ARHGAP26: variants seen among roughly 807,000 people sequenced by gnomAD.
ARHGAP26 encodes Rho GTPase activating protein 26, also known as rho GTPase-activating protein 26.
In ARHGAP26, 38 loss-of-function variants were observed where a neutral mutation model predicts 104.8. That is an observed-to-expected ratio of 0.36 (90% CI 0.28 to 0.48). The LOEUF is 0.48. Ranked by LOEUF, ARHGAP26 falls within the 20% of genes least tolerant of loss-of-function variation. ARHGAP26 has a pLI of 0.99. For missense variants in ARHGAP26, 704 were observed against 947.9 expected, an observed-to-expected ratio of 0.74 and a Z score of 3.38; for synonymous variants, 341 against 340.0, an observed-to-expected ratio of 1.00 and a Z score of -0.03.
At chr5:142,991,067 T>C (rs1775539399) in intron 11 of ARHGAP26, among the ~76,000 whole-genome samples, 1 of 152,002 alleles carries the variant, frequency 6.6e-6, no homozygotes, top group South Asian at 2.1e-4. Flanking sequence ...AGAGGTGGAG[T>C]CTACAAAGGC....
At chr5:142,842,513 A>G (rs1293816464) in intron 1 of ARHGAP26, among the ~76,000 whole-genome samples, 2 of 152,242 alleles carry the variant, frequency 1.3e-5, no homozygotes, top group African/African-American at 4.8e-5. Flanking sequence ...CAGCACAAGA[A>G]ATCTTGTGGA....
chr5:143,172,920 A>T (rs1022421129), intron 20 of ARHGAP26: 1 of 177,378 alleles, frequency 5.6e-6, no homozygotes, highest in African/African-American at 2.4e-5. Flanking sequence ...GGCATAGATC[A>T]TGTTTTATTG....
Position 143,228,217 on chromosome 5 carries a change from G to A in ARHGAP26, c.*5771G>A, listed in dbSNP as rs1454645767. On this transcript the variant is annotated 3_prime_UTR_variant, in exon 23 of 23. Coordinates refer to ENST00000645722, the MANE Select transcript of ARHGAP26 (RefSeq NM_001135608.3). The stretch of plus-strand genomic sequence containing the variant: ...ACCTTGTATCTGACAATGCACATCT[G>A]TTGATTCTAAAGTATATTTATGTGT... 1 of 224,484 alleles carries A rather than the reference G, an allele frequency of 4.5e-6. No homozygotes were observed. Among genetic ancestry groups the A allele is most frequent in the Non-Finnish European group, 8.9e-6 (1 of 112,676 alleles). The allele number at this position is 224,484 out of a possible 1,614,324, so 13.9% of individuals were successfully genotyped here. A position where few individuals can be genotyped will look rare whatever the true frequency, so the allele number is the denominator to read the frequency against.
chr5:143,213,084 G>C (rs1809765973), intron 21 of ARHGAP26, among the ~76,000 whole-genome samples: 1 of 152,168 alleles, frequency 6.6e-6, no homozygotes, highest in Non-Finnish European at 1.5e-5. Context: ...GGCGGAGCTT[G>C]CAGTGAGCCG....
chr5:143,209,652 G>A (rs1809125863), intron 21 of ARHGAP26, among the ~76,000 whole-genome samples: 1 of 151,970 alleles, frequency 6.6e-6, no homozygotes, highest in Admixed American at 6.6e-5. Flanking sequence ...ATGGTGGTGG[G>A]CGCCTGTAAT....
intron 1 of ARHGAP26, among the ~76,000 whole-genome samples, chr5:142,815,809 T>C (rs1765008709): frequency 6.6e-6 from 1 of 152,198 alleles, no homozygotes. Context: ...CTTCTTATTT[T>C]TTTGAGACCA....
intron 11 of ARHGAP26, 141 bp downstream of exon 11, chr5:142,932,266 G>T: frequency 1.4e-6 from 1 of 704,578 alleles, no homozygotes; most frequent in Non-Finnish European, 2.5e-6. Context: ...TTATTCCTAG[G>T]TTTATGTTTG....
At chr5:143,013,408 G>A (rs1281361025) in intron 11 of ARHGAP26, among the ~76,000 whole-genome samples, 3 of 152,006 alleles carry the variant, frequency 2.0e-5, no homozygotes, top group Non-Finnish European at 2.9e-5. Context: ...CTTTTATATT[G>A]GGCATTTTCT....
intron 5 of ARHGAP26, among the ~76,000 whole-genome samples, chr5:142,890,152 ATAT>A (rs1365148672): frequency 9.8e-3 from 214 of 21,906 alleles, no homozygotes; most frequent in African/African-American, 0.024. Context: ...AAAAAAAAAA[ATAT>A]ATATATATAT....
intron 11 of ARHGAP26, among the ~76,000 whole-genome samples, chr5:142,992,210 A>G (rs1398397600): frequency 6.6e-6 from 1 of 151,900 alleles, no homozygotes; most frequent in Non-Finnish European, 1.5e-5. Flanking sequence ...TACTTTATGC[A>G]TCCTATCTTT....
At chr5:142,807,827 C>T (rs911366131) in intron 1 of ARHGAP26, among the ~76,000 whole-genome samples, 15 of 152,230 alleles carry the variant, frequency 9.9e-5, no homozygotes, top group African/African-American at 1.4e-4. Flanking sequence ...GGACTTTACC[C>T]GCTGTCTTTA....
intron 18 of ARHGAP26, among the ~76,000 whole-genome samples, chr5:143,133,550 T>C (rs1025079968): frequency 2.6e-5 from 4 of 152,222 alleles, no homozygotes; most frequent in African/African-American, 9.6e-5. Flanking sequence ...TGTGAAGTAA[T>C]TGTTAAGAAC....
intron 22 of ARHGAP26, among the ~76,000 whole-genome samples, chr5:143,217,205 G>A (rs1349955091): frequency 1.3e-5 from 2 of 152,124 alleles, no homozygotes; most frequent in African/African-American, 4.8e-5. Context: ...CCCGTGGAGG[G>A]GAAAGTCTGT....
intron 20 of ARHGAP26, chr5:143,168,445 C>CTTGTTTTTTTT (rs1802320680): frequency 3.9e-5 from 1 of 25,670 alleles, no homozygotes; most frequent in Non-Finnish European, 6.9e-5. Context: ...ATCTGGAACT[C>CTTGTTTTTTTT]TTTTTTTTTT....
intron 1 of ARHGAP26, among the ~76,000 whole-genome samples, chr5:142,802,304 T>C (rs1190711270): frequency 6.6e-6 from 1 of 152,228 alleles, no homozygotes; most frequent in African/African-American, 2.4e-5. Context: ...GTTTAAAGTT[T>C]GGTCTCCTTT....
At chr5:142,984,903 G>T (rs1056705212) in intron 11 of ARHGAP26, among the ~76,000 whole-genome samples, 1 of 150,376 alleles carries the variant, frequency 6.6e-6, no homozygotes, top group Non-Finnish European at 1.5e-5. Context: ...TTATTTTAAA[G>T]TGTACCCCTT....
At chr5:142,895,227 C>T (rs1049988154) in intron 6 of ARHGAP26, among the ~76,000 whole-genome samples, 1 of 152,032 alleles carries the variant, frequency 6.6e-6, no homozygotes, top group Non-Finnish European at 1.5e-5. Context: ...GGATAATTTT[C>T]TTTTTTCTTT....
At chr5:143,054,599 TCA>T in intron 15 of ARHGAP26, 73 bp downstream of exon 15, 1 of 1,137,514 alleles carries the variant, frequency 8.8e-7, no homozygotes, top group East Asian at 2.4e-5. Context: ...AGTTTTATTT[TCA>T]GACTCCGGAG....
At chr5:142,982,110 G>A (rs1031492068) in intron 11 of ARHGAP26, among the ~76,000 whole-genome samples, 3 of 152,172 alleles carry the variant, frequency 2.0e-5, no homozygotes, top group African/African-American at 7.2e-5. Flanking sequence ...CAAATGTTTA[G>A]CAGGCTGTTC....
Sources: gnomAD v4.1 joint callset for allele counts (sites outside exome capture counted in the v4.1 genomes callset) on GRCh38, gnomAD v4.1.1 for gene constraint, MANE v1.5 for transcripts, NCBI Gene and HGNC (gene_info 2026-07-23, HGNC 2026-07-21) for gene names.